EGFR: variants seen among roughly 807,000 people sequenced by gnomAD.
EGFR encodes avian erythroblastic leukemia viral (v-erb-b) oncogene homolog.
In EGFR, 58 loss-of-function variants were observed where a neutral mutation model predicts 143.0. The ratio of observed to expected loss-of-function variants is 0.41; its 90% confidence interval spans 0.33 to 0.50. The LOEUF (loss-of-function observed/expected upper bound fraction) is 0.50, where lower values mean the gene tolerates loss of function less well. Ranked by LOEUF, EGFR falls within the 20% of genes least tolerant of loss-of-function variation. The pLI, the probability that EGFR is intolerant of heterozygous loss-of-function variation, is 0.39. For missense variants in EGFR, 1,307 were observed against 1,579.0 expected (o/e 0.83, Z 2.92); for synonymous variants, 613 against 594.4 (o/e 1.03, Z -0.45).
intron 1 of EGFR, among the ~76,000 whole-genome samples, chr7:55,136,145 G>C (rs6969570): frequency 0.013 from 1,963 of 152,246 alleles, 47 homozygotes; most frequent in African/African-American, 0.044. Flanking sequence ...AGAAATGACC[G>C]GTCCTGATTC....
At chr7:55,126,072 T>G (rs1167429321) in intron 1 of EGFR, among the ~76,000 whole-genome samples, 1 of 152,156 alleles carries the variant, frequency 6.6e-6, no homozygotes, top group African/African-American at 2.4e-5. Context: ...TCCCCACATG[T>G]GGCGGGGCCC....
chr7:55,203,258 A>G (rs1210053377), intron 27 of EGFR, among the ~76,000 whole-genome samples: 2 of 150,676 alleles, frequency 1.3e-5, no homozygotes. Flanking sequence ...ATACACACAT[A>G]CACACACCAC....
chr7:55,046,099 C>A (rs1194700124), intron 1 of EGFR, among the ~76,000 whole-genome samples: 1 of 152,090 alleles, frequency 6.6e-6, no homozygotes, highest in Non-Finnish European at 1.5e-5. Flanking sequence ...GTATGCATCT[C>A]GTATTACATT....
chr7:55,211,406 T>C lies in EGFR; in HGVS notation c.*5789T>C, dbSNP rs148198617. 115 of 152,334 alleles carry C rather than the reference T, an allele frequency of 7.5e-4. 1 individual carries two copies. The highest frequency in any genetic ancestry group is 2.5e-3 in the African/African-American group (104 of 41,582). The allele number at this position is 152,334 out of a possible 1,614,324, so 9.4% of individuals were successfully genotyped here. On this transcript the variant is annotated 3_prime_UTR_variant, in exon 28 of 28. Coordinates refer to ENST00000275493, the MANE Select transcript of EGFR (RefSeq NM_005228.5). ...CTTCGTTTTAGAAACATTCAAGCAA[T>C]AGCTTTATAGCTTCAACATATGGTA...
intron 1 of EGFR, among the ~76,000 whole-genome samples, chr7:55,044,222 C>T (rs1788061979): frequency 6.6e-6 from 1 of 152,232 alleles, no homozygotes; most frequent in Admixed American, 6.5e-5. Context: ...GAGAAACCAG[C>T]TTGTTCTAAC....
rs1786853860 is a variant in EGFR, at chr7:55,181,281, C to T, written c.2284-12C>T. On this transcript the variant is annotated splice_polypyrimidine_tract_variant and intron_variant, in intron 19 of 27. Transcript: ENST00000275493. The stretch of plus-strand genomic sequence containing the variant: ...TGCGAAGCCACACTGACGTGCCTCT[C>T]CCTCCCTCCAGGAAGCCTACGTGAT... The T allele has an allele frequency of 6.2e-7, 1 of 1,614,052 alleles. No individual in the cohort carries two copies.
chr7:55,154,085 G>T lies in EGFR; in HGVS notation c.822G>T (p.Thr274=). ...CPPLMLYNPT[T]YQMDVNPEGK... is the part of the protein sequence containing the mutation. ...CACTCATGCTCTACAACCCCACCAC[G>T]TACCAGATGGATGTGAACCCCGAGG... is the stretch of plus-strand genomic sequence containing the variant. Residue 274 remains threonine (T), a synonymous_variant, in exon 7 of 28, where the codon ACG becomes ACT. Transcript: ENST00000275493. 6.2e-7 allele frequency: 1 copy of T among 1,614,164 alleles called. No homozygotes were observed. Among genetic ancestry groups the T allele is most frequent in the African/African-American group, 1.3e-5 (1 of 75,022 alleles).
chr7:55,138,748 A>T (rs2128924179), intron 1 of EGFR, among the ~76,000 whole-genome samples: 1 of 152,298 alleles, frequency 6.6e-6, no homozygotes, highest in African/African-American at 2.4e-5. Flanking sequence ...GTCTTAGTTA[A>T]TTTTATGTTG....
chr7:55,093,221 A>C (rs1014516501), intron 1 of EGFR, among the ~76,000 whole-genome samples: 1 of 152,200 alleles, frequency 6.6e-6, no homozygotes, highest in Non-Finnish European at 1.5e-5. Flanking sequence ...ACCAAGCTTT[A>C]AATGCACTTG....
At chr7:55,039,308 C>T (rs568094937) in intron 1 of EGFR, among the ~76,000 whole-genome samples, 1 of 152,308 alleles carries the variant, frequency 6.6e-6, no homozygotes, top group Non-Finnish European at 1.5e-5. Flanking sequence ...ACTAAGGATT[C>T]TAAGTTCTGT....
At chr7:55,105,671 C>T (rs1233678883) in intron 1 of EGFR, among the ~76,000 whole-genome samples, 1 of 152,196 alleles carries the variant, frequency 6.6e-6, no homozygotes. Flanking sequence ...TCTGACTCTA[C>T]AGGGTTTGAC....
rs756705853 is a variant in EGFR, at chr7:55,173,053, A to T, written c.1990A>T (p.Ile664Phe). 6.2e-7 allele frequency: 1 copy of T among 1,613,736 alleles called. No individual in the cohort carries two copies. The highest frequency in any genetic ancestry group is 1.1e-5 in the South Asian group (1 of 91,062). The change falls in exon 17 of 28, where the codon ATC becomes TTC. Residue 664 changes from isoleucine to phenylalanine, a missense_variant. Ile to Phe is a conservative substitution (Grantham distance 21). Coordinates refer to ENST00000275493, the MANE Select transcript of EGFR (RefSeq NM_005228.5). ...CTTGCTGCTGGTGGTGGCCCTGGGG[A>T]TCGGCCTCTTCATGCGAAGGCGCCA... ...LLLLLVVALG[I>F]GLFMRRRHIV...
chr7:55,192,523 C>T (rs2128965289), intron 21 of EGFR, among the ~76,000 whole-genome samples: 1 of 152,336 alleles, frequency 6.6e-6, no homozygotes, highest in Admixed American at 6.5e-5. Context: ...ACAACCAGGG[C>T]TCCCAGCTCA....
chr7:55,061,649 T>A (rs28728327), intron 1 of EGFR, among the ~76,000 whole-genome samples: 4,509 of 132,696 alleles, frequency 0.034, 144 homozygotes, highest in African/African-American at 0.086. Flanking sequence ...TGTGTGTGTG[T>A]GAGAGAGAGA....
At chr7:55,025,011 T>G (rs984236785) in intron 1 of EGFR, among the ~76,000 whole-genome samples, 2 of 152,212 alleles carry the variant, frequency 1.3e-5, no homozygotes. Context: ...TGCAGGGCAT[T>G]ACACAAGCAG....
intron 1 of EGFR, among the ~76,000 whole-genome samples, chr7:55,054,580 A>C (rs1220157409): frequency 2.6e-5 from 4 of 152,256 alleles, no homozygotes; most frequent in Non-Finnish European, 4.4e-5. Flanking sequence ...CAGACAGGTC[A>C]GCAAACATGG....
intron 19 of EGFR, among the ~76,000 whole-genome samples, chr7:55,175,407 T>C (rs767514321): frequency 2.0e-5 from 3 of 152,258 alleles, no homozygotes; most frequent in Non-Finnish European, 2.9e-5. Context: ...AATAAGTTCT[T>C]GGAAAATTCC....
In EGFR at chr7:55,172,968, T is replaced by G. The variant is rs1786420581; in HGVS notation, c.1920-15T>G. On this transcript the variant is annotated splice_polypyrimidine_tract_variant and intron_variant, in intron 16 of 27. Transcript: ENST00000275493. ...CAGCAACCTCACCCTTCCTTGTTCC[T>G]CCACCTCATTCCAGGCCTAAGATCC... 2 of 1,614,178 alleles carry G rather than the reference T, an allele frequency of 1.2e-6. No homozygotes were observed. The highest frequency in any genetic ancestry group is 1.7e-6 in the Non-Finnish European group (2 of 1,180,042).
At chr7:55,190,356 A>G (rs908056737) in intron 20 of EGFR, among the ~76,000 whole-genome samples, 2 of 152,144 alleles carry the variant, frequency 1.3e-5, no homozygotes, top group African/African-American at 4.8e-5. Flanking sequence ...AAAGAGAAAA[A>G]CATTAAAGGC....
Sources: gnomAD v4.1 joint callset for allele counts (sites outside exome capture counted in the v4.1 genomes callset) on GRCh38, gnomAD v4.1.1 for gene constraint, MANE v1.5 for transcripts, NCBI Gene and HGNC (gene_info 2026-07-23, HGNC 2026-07-21) for gene names.